PTCH1: variants seen among roughly 807,000 people sequenced by gnomAD.
The protein encoded by PTCH1 is protein patched homolog 1.
A neutral mutation model predicts 144.6 loss-of-function variants in PTCH1; 14 were observed. The ratio of observed to expected loss-of-function variants is 0.10; its 90% CI spans 0.06 to 0.15. The LOEUF (loss-of-function observed/expected upper bound fraction) is 0.15, where lower values mean the gene tolerates loss of function less well. PTCH1 is among the 10% of genes least tolerant of loss of function. The pLI is 1.00. For synonymous variants in PTCH1, 833 were observed against 793.6 expected (o/e 1.05, Z -0.83); for missense variants, 1,623 against 1,948.3 (o/e 0.83, Z 3.14).
upstream of PTCH1, among the ~76,000 whole-genome samples, chr9:95,512,231 C>A (rs1844192960): frequency 6.6e-6 from 1 of 152,218 alleles, no homozygotes; most frequent in Non-Finnish European, 1.5e-5. Context: ...ATCCCCGGAG[C>A]TTTCAGTGCC....
rs1484997551 is a variant in PTCH1 at position 95,468,739 on chromosome 9, G to C, written c.2250+12C>G. 1 of 1,613,376 alleles carries C rather than the reference G, an allele frequency of 6.2e-7. No homozygotes were observed. Among genetic ancestry groups the C allele is most frequent in the Non-Finnish European group, 8.5e-7 (1 of 1,179,398 alleles). On this transcript the variant is annotated intron_variant, in intron 14 of 23. Transcript: ENST00000331920. ...TTGAAGACAGGAAGAGCCTTAAGTT[G>C]TGGCAGATTACCTTGGCTTTTGGTT... is the stretch of plus-strand genomic sequence containing the variant.
chr9:95,489,792 G>A (rs928941897), intron 2 of PTCH1, among the ~76,000 whole-genome samples: 2 of 151,276 alleles, frequency 1.3e-5, no homozygotes, highest in East Asian at 2.0e-4. Context: ...TGTGTGGTAG[G>A]CTATGGATAA....
chr9:95,455,490 T>C (rs556305667), intron 19 of PTCH1, among the ~76,000 whole-genome samples: 4 of 152,394 alleles, frequency 2.6e-5, no homozygotes, highest in East Asian at 3.8e-4. Context: ...TCTTAGGCTC[T>C]AATCTGCAGA....
chr9:95,509,234 G>A lies in PTCH1; in HGVS notation c.-873C>T, dbSNP rs1844011560. Among the ~76,000 whole-genome samples the A allele has an allele frequency of 7.0e-6, 1 of 142,792 alleles. No individual in the cohort carries two copies. Among genetic ancestry groups the A allele is most frequent in the Non-Finnish European group, 1.5e-5 (1 of 65,436 alleles). The allele number at this position is 142,792 out of a possible 152,430, so 93.7% of individuals were successfully genotyped here. ...GAAAAAAAAGAACTCTCTCCATTTGGAGAAAGAAGAGGAGGAGGGGAGGGG... is the reference window on the plus strand; with the variant it reads ...GAAAAAAAAGAACTCTCTCCATTTGAAGAAAGAAGAGGAGGAGGGGAGGGG... On this transcript the variant is annotated 5_prime_UTR_variant, in exon 1 of 24. Transcript: ENST00000331920.
At chr9:95,465,945 T>A (rs1165642112) in intron 15 of PTCH1, among the ~76,000 whole-genome samples, 1 of 152,252 alleles carries the variant, frequency 6.6e-6, no homozygotes, top group Non-Finnish European at 1.5e-5. Flanking sequence ...TACATTTACG[T>A]GCAGTCGGTC....
rs925469691 is a variant in PTCH1 at position 95,506,260 on chromosome 9, G to A, written c.394+147C>T. The A allele has an allele frequency of 5.3e-6, 5 of 945,724 alleles. No individual in the cohort carries two copies. The East Asian group carries it at 8.4e-5, about 16-fold the overall frequency. The allele number at this position is 945,724 out of a possible 1,614,324, so 58.6% of individuals were successfully genotyped here. On this transcript the variant is annotated intron_variant, in intron 2 of 23. Coordinates refer to ENST00000331920, the MANE Select transcript of PTCH1 (RefSeq NM_000264.5). ...GTCGGGCGGGCCTGGCTCCCGGCCA[G>A]GCGCCCAAACAATAAACAATCCCCC...
At position 95,476,243 on chromosome 9, in the gene PTCH1, G is replaced by GA; in HGVS notation, c.1603-85dup. On this transcript the variant is annotated intron_variant, in intron 11 of 23. Transcript: ENST00000331920. This position sits in a 1 kb window ranked among gnomAD's most constrained non-coding sequence, Gnocchi z 4.6. ...AGACTGTGTGAGCAGATACGTGGCA[G>GA]AATAACACAACTGTTATTACAGCTT... 6.5e-7 allele frequency: 1 copy of GA among 1,539,384 alleles called. No homozygotes were observed. The highest frequency in any genetic ancestry group is 8.8e-7 in the Non-Finnish European group (1 of 1,141,476).
At chr9:95,506,681 G>T in intron 1 of PTCH1, 82 bp from the exon 2 acceptor site, 28 of 1,151,810 alleles carry the variant, frequency 2.4e-5, no homozygotes, top group East Asian at 3.4e-5. Context: ...CACCCGCCCG[G>T]TGAGCCCCCA....
At chr9:95,507,746 G>A (rs1380700365) in intron 1 of PTCH1, 3 of 211,038 alleles carry the variant, frequency 1.4e-5, no homozygotes, top group Non-Finnish European at 2.6e-5. Flanking sequence ...TGTGGCAGCC[G>A]TACAGGAGTT....
chr9:95,448,954 T>G, intron 22 of PTCH1, 115 bp downstream of exon 22: 1 of 1,436,154 alleles, frequency 7.0e-7, no homozygotes, highest in Admixed American at 1.8e-5. Context: ...ACCTTATCTC[T>G]GCATCCCATC....
chr9:95,469,347 A>G (rs189695747), intron 13 of PTCH1, among the ~76,000 whole-genome samples, 194 bp from the exon 14 acceptor site: 2 of 152,312 alleles, frequency 1.3e-5, no homozygotes, highest in East Asian at 3.9e-4. Context: ...GGTGAACTAG[A>G]TAAAAGTCAG....
At chr9:95,494,163 C>A (rs1036202329) in intron 2 of PTCH1, 1 of 975,800 alleles carries the variant, frequency 1.0e-6, no homozygotes, top group Non-Finnish European at 1.2e-6. Flanking sequence ...GCGCATGCGC[C>A]GGAAGCAAGC....
intron 7 of PTCH1, chr9:95,479,751 G>A: frequency 1.4e-6 from 1 of 698,348 alleles, no homozygotes; most frequent in South Asian, 1.8e-5. Context: ...TGGTCCTGAT[G>A]AAAACTACAA....
intron 1 of PTCH1, among the ~76,000 whole-genome samples, chr9:95,515,877 CT>C (rs1316145400): frequency 2.0e-5 from 3 of 152,158 alleles, no homozygotes; most frequent in Non-Finnish European, 2.9e-5. Context: ...TCCCGCACCC[CT>C]AGGCGTGCGT....
chr9:95,481,959 C>T lies in PTCH1; in HGVS notation c.736G>A (p.Ala246Thr), dbSNP rs1441758390. The T allele has an allele frequency of 1.2e-6, 2 of 1,610,600 alleles. No individual in the cohort carries two copies. Among genetic ancestry groups the T allele is most frequent in the Admixed American group, 1.7e-5 (1 of 60,002 alleles). Residue 246 changes from alanine (A) to threonine (T), a missense_variant, in exon 5 of 24, where the codon GCA (alanine) becomes ACA (threonine). Ala to Thr is a moderately conservative substitution (Grantham distance 58, BLOSUM62 0). Coordinates refer to ENST00000331920, the MANE Select transcript of PTCH1 (RefSeq NM_000264.5). ...WEGAKLQSGT[A>T]YLLGKPPLRW... ...TGATCACACACTTACAGGAGGTATG[C>T]TGTCCCAGACTGTAATTTCGCCCCT...
intron 15 of PTCH1, 30 bp from the exon 16 acceptor site, chr9:95,462,028 A>T (rs539495625): frequency 6.2e-7 from 1 of 1,614,134 alleles, no homozygotes; most frequent in Non-Finnish European, 8.5e-7. Context: ...GTAACACATT[A>T]TAACTCGCAG....
chr9:95,512,972 A>G (rs1485182532), upstream of PTCH1, among the ~76,000 whole-genome samples: 5 of 152,194 alleles, frequency 3.3e-5, no homozygotes, highest in African/African-American at 1.2e-4. Context: ...TCATGATCCA[A>G]GACTTCTCAT....
chr9:95,508,042 A>AGTGT (rs962367211), intron 1 of PTCH1, 119 bp downstream of exon 1: 33 of 858,554 alleles, frequency 3.8e-5, no homozygotes, highest in East Asian at 1.7e-4. Context: ...GGTGTGAGTG[A>AGTGT]GTGTGTGTGT....
intron 12 of PTCH1, chr9:95,474,145 T>C (rs1452242776): frequency 1.5e-5 from 7 of 469,296 alleles, no homozygotes; most frequent in Non-Finnish European, 3.0e-5. Flanking sequence ...CAGTATGTAC[T>C]AAGAGAGGAG....
Sources: gnomAD v4.1 joint callset for allele counts (sites outside exome capture counted in the v4.1 genomes callset) on GRCh38, gnomAD v4.1.1 for gene constraint, Gnocchi (gnomAD v3.1) non-coding constraint, MANE v1.5 for transcripts, NCBI Gene and HGNC (gene_info 2026-07-23, HGNC 2026-07-21) for gene names.